Variants in DLG2 observed in about 807,000 individuals in gnomAD.
DLG2 encodes the protein disks large homolog 2.
Under a neutral mutation model 132.5 loss-of-function variants are expected in DLG2, and 45 were observed. That is an observed-to-expected ratio of 0.34 (90% CI 0.27 to 0.44). The LOEUF is 0.44. Among genes scored for constraint, DLG2 ranks in the 20% least tolerant of loss-of-function variants. The probability of loss-of-function intolerance (pLI) is 1.00; values close to 1 mark genes in which losing one functional copy is unlikely to be tolerated. For missense variants in DLG2, 1,045 were observed against 1,196.9 expected (o/e 0.87, Z 1.87); for synonymous variants, 424 against 419.6 (o/e 1.01, Z -0.13).
intron 6 of DLG2, among the ~76,000 whole-genome samples, chr11:85,100,993 C>T (rs1245504011): frequency 6.6e-6 from 1 of 152,152 alleles, no homozygotes; most frequent in African/African-American, 2.4e-5. Flanking sequence ...TTCTCCAAAA[C>T]AGCTTTAGAA....
chr11:84,376,907 G>GA, intron 7 of DLG2, among the ~76,000 whole-genome samples: 1 of 151,862 alleles, frequency 6.6e-6, no homozygotes. Flanking sequence ...GACAGAATTA[G>GA]AAAATCACCA....
chr11:85,325,401 C>A (rs2081390848), intron 3 of DLG2, among the ~76,000 whole-genome samples: 1 of 148,262 alleles, frequency 6.7e-6, no homozygotes, highest in African/African-American at 2.5e-5. Flanking sequence ...AGCAGTGGTT[C>A]TCCCAGCACA....
At chr11:83,611,418 C>A (rs1230510769) in intron 19 of DLG2, among the ~76,000 whole-genome samples, 1 of 152,060 alleles carries the variant, frequency 6.6e-6, no homozygotes, top group Non-Finnish European at 1.5e-5. Flanking sequence ...ATCTTGGTAA[C>A]CAAATCCATT....
chr11:84,887,997 G>GA (rs2088626747), intron 6 of DLG2, among the ~76,000 whole-genome samples: 1 of 152,080 alleles, frequency 6.6e-6, no homozygotes, highest in African/African-American at 2.4e-5. Context: ...AAGTTTCTCA[G>GA]AAATAATGTT....
At chr11:84,714,178 T>TAAAAA (rs535841206) in intron 6 of DLG2, among the ~76,000 whole-genome samples, 1 of 127,764 alleles carries the variant, frequency 7.8e-6, no homozygotes. Context: ...TACTATAAAA[T>TAAAAA]AAAAAAAAAA....
At chr11:83,873,512 T>A (rs1386247660) in intron 16 of DLG2, among the ~76,000 whole-genome samples, 1 of 152,186 alleles carries the variant, frequency 6.6e-6, no homozygotes, top group African/African-American at 2.4e-5. Flanking sequence ...CTTGCTGCCA[T>A]GTAAGAAGTG....
intron 7 of DLG2, among the ~76,000 whole-genome samples, chr11:84,503,738 TC>T (rs2099229601): frequency 6.6e-6 from 1 of 152,162 alleles, no homozygotes; most frequent in Non-Finnish European, 1.5e-5. Context: ...TATGCATTTG[TC>T]TTAGAATTTT....
At chr11:85,434,891 T>C (rs1233623658) in intron 3 of DLG2, among the ~76,000 whole-genome samples, 2 of 152,150 alleles carry the variant, frequency 1.3e-5, no homozygotes, top group Admixed American at 6.5e-5. Flanking sequence ...CAGGCCAATA[T>C]CCCTGATGAA....
chr11:85,153,038 G>T (rs1353449135), intron 5 of DLG2, among the ~76,000 whole-genome samples: 2 of 152,102 alleles, frequency 1.3e-5, no homozygotes, highest in Non-Finnish European at 2.9e-5. Context: ...AACATCTAGA[G>T]CATTTACCTA....
chr11:83,824,475 G>T (rs1269650859), intron 17 of DLG2, among the ~76,000 whole-genome samples: 3 of 152,096 alleles, frequency 2.0e-5, no homozygotes, highest in African/African-American at 7.2e-5. Flanking sequence ...CTGCAAACAA[G>T]ATTTTAAGGT....
At chr11:84,555,680 T>C (rs1007232726) in intron 6 of DLG2, among the ~76,000 whole-genome samples, 2 of 152,228 alleles carry the variant, frequency 1.3e-5, no homozygotes, top group Non-Finnish European at 2.9e-5. Context: ...AATAGGGAGC[T>C]GTTTAAAGGA....
intron 16 of DLG2, among the ~76,000 whole-genome samples, chr11:83,872,278 T>C (rs7939920): frequency 1.3e-5 from 2 of 152,182 alleles, no homozygotes; most frequent in African/African-American, 4.8e-5. Context: ...AATTGGCGAG[T>C]TGTATACTAT....
Position 84,527,188 on chromosome 11 carries a change from G to C in DLG2, c.519+7382C>G, listed in dbSNP as rs75197167. ...AGGCATATTTTAAAATGATGACTAT[G>C]TGGGATGCACTAACTCCTTGTGCCA... On this transcript the variant is annotated intron_variant, in intron 7 of 27. Coordinates refer to ENST00000376104, the MANE Select transcript of DLG2 (RefSeq NM_001142699.3). Among the ~76,000 whole-genome samples the C allele has an allele frequency of 5.1e-4, 78 of 152,318 alleles. 1 individual carries two copies. The highest frequency in any genetic ancestry group is 1.8e-3 in the African/African-American group (74 of 41,582).
chr11:83,743,429 A>ATTTTCTT (rs374206299), intron 18 of DLG2, among the ~76,000 whole-genome samples: 1 of 103,790 alleles, frequency 9.6e-6, no homozygotes. Context: ...TGGGCAGGCC[A>ATTTTCTT]TTTTTTTTTT....
chr11:83,677,235 T>C (rs2077893681), intron 18 of DLG2, among the ~76,000 whole-genome samples: 1 of 152,154 alleles, frequency 6.6e-6, no homozygotes, highest in South Asian at 2.1e-4. Context: ...ACTAAAGGCA[T>C]GCTTTGTCTT....
chr11:85,226,248 GTGGATGGATGGA>G (rs531246354), intron 4 of DLG2, among the ~76,000 whole-genome samples: 1 of 150,052 alleles, frequency 6.7e-6, no homozygotes, highest in African/African-American at 2.4e-5. Context: ...AGACATGTGG[GTGGATGGATGGA>G]TGGATGGATG....
At chr11:85,176,766 G>C (rs1325898375) in intron 4 of DLG2, among the ~76,000 whole-genome samples, 1 of 151,628 alleles carries the variant, frequency 6.6e-6, no homozygotes, top group Non-Finnish European at 1.5e-5. Context: ...AAATTTACAA[G>C]AAAAAACAAC....
chr11:84,699,139 T>C (rs2058934548), intron 6 of DLG2, among the ~76,000 whole-genome samples: 2 of 151,528 alleles, frequency 1.3e-5, no homozygotes, highest in South Asian at 4.1e-4. Flanking sequence ...ATCTATATTC[T>C]GGATTTCTTC....
chr11:83,885,930 A>C (rs1411685582), intron 15 of DLG2, among the ~76,000 whole-genome samples: 6 of 152,204 alleles, frequency 3.9e-5, no homozygotes, highest in Admixed American at 6.5e-5. Flanking sequence ...GCCTGCCCTA[A>C]AAGAGCTCCT....
Sources: allele counts gnomAD v4.1 joint callset (sites outside exome capture counted in the v4.1 genomes callset), GRCh38; gene constraint gnomAD v4.1.1; transcripts MANE v1.5; gene names NCBI Gene and HGNC (gene_info 2026-07-23, HGNC 2026-07-21).